Variants in LATS1 observed in about 807,000 individuals in gnomAD.
LATS1 encodes the protein large tumor suppressor kinase 1.
Under a neutral mutation model 106.6 loss-of-function variants are expected in LATS1, and 25 were observed. The ratio of observed to expected loss-of-function variants is 0.23; its 90% confidence interval spans 0.17 to 0.33. LATS1 has a LOEUF of 0.33. LATS1 is among the 10% of genes least tolerant of loss of function. The pLI is 1.00. For synonymous variants in LATS1, 465 were observed against 455.6 expected, an observed-to-expected ratio of 1.02 and a Z score of -0.26; for missense variants, 1,040 against 1,382.6, an observed-to-expected ratio of 0.75 and a Z score of 3.93.
chr6:149,661,427 CAG>C lies in LATS1; in HGVS notation c.*300_*301del, dbSNP rs1780878986. ...ATTTAGCATATATACAAATAGATAC[CAG>C]GTTTCTCCTTTTAAACAAAGCACTA... On this transcript the variant is annotated 3_prime_UTR_variant, in exon 8 of 8. Transcript: ENST00000543571. 4 of 286,132 alleles carry C rather than the reference CAG, an allele frequency of 1.4e-5. No individual in the cohort carries two copies. The highest frequency in any genetic ancestry group is 2.6e-5 in the Non-Finnish European group (4 of 154,984). The allele number at this position is 286,132 out of a possible 1,614,324, so 17.7% of individuals were successfully genotyped here.
At chr6:149,678,911 A>G (rs1781879908) in intron 5 of LATS1, among the ~76,000 whole-genome samples, 1 of 152,232 alleles carries the variant, frequency 6.6e-6, no homozygotes, top group African/African-American at 2.4e-5. Flanking sequence ...TTAGGGTTAT[A>G]TAAGTTGTGT....
intron 2 of LATS1, among the ~76,000 whole-genome samples, chr6:149,698,804 C>T (rs973039701): frequency 6.6e-6 from 1 of 152,034 alleles, no homozygotes; most frequent in Non-Finnish European, 1.5e-5. Flanking sequence ...TCAAGTGATC[C>T]ACCCGCCTTG....
chr6:149,709,093 C>A (rs1234792556), intron 1 of LATS1, among the ~76,000 whole-genome samples: 2 of 152,130 alleles, frequency 1.3e-5, no homozygotes, highest in Non-Finnish European at 2.9e-5. Context: ...AATTCTAAGT[C>A]CTTCAACCAT....
chr6:149,705,716 A>G (rs1783727388), intron 1 of LATS1, among the ~76,000 whole-genome samples: 1 of 152,186 alleles, frequency 6.6e-6, no homozygotes, highest in South Asian at 2.1e-4. Flanking sequence ...TTGAACTTAC[A>G]AATGCAGGTA....
Position 149,701,894 on chromosome 6 carries a change from A to G in LATS1, c.233T>C (p.Leu78Ser). ...AAGCAGAGAGTTTCGAATTTCCTGC[A>G]AGGCTTTATGATGCGTCCCAAATTT... ...PPKFGTHHKA[L>S]QEIRNSLLPF... Residue 78 changes from leucine to serine, a missense_variant, in exon 2 of 8, where the codon TTG becomes TCG. Around this residue, in one of 7 missense-constraint regions of LATS1, gnomAD observed 624 missense variants for 714.8 expected, o/e 0.87. Coordinates refer to ENST00000543571, the MANE Select transcript of LATS1 (RefSeq NM_004690.4). 6.2e-7 allele frequency: 1 copy of G among 1,614,166 alleles called. No homozygotes were observed.
intron 7 of LATS1, among the ~76,000 whole-genome samples, chr6:149,664,972 A>G (rs1221196379): frequency 6.6e-6 from 1 of 152,200 alleles, no homozygotes; most frequent in Non-Finnish European, 1.5e-5. Flanking sequence ...GGGAGTAGAA[A>G]AGGAGTTTCC....
Position 149,683,331 on chromosome 6 carries a change from G to A in LATS1, c.1758C>T (p.Ser586=). ...TTTCACTCTCATCTTCCTTGGGCAA[G>A]CTTGGCTGATCCTCTTTGCTAGGCT... ...ISKPSKEDQP[S]LPKEDESEKS... Residue 586 remains serine (S), a synonymous_variant, in exon 4 of 8, where the codon AGC becomes AGT. Transcript: ENST00000543571. 2 of 1,614,184 alleles carry A rather than the reference G, an allele frequency of 1.2e-6. No homozygotes were observed. The highest frequency in any genetic ancestry group is 1.1e-5 in the South Asian group (1 of 91,086).
At chr6:149,700,847 G>A (rs1255571822) in intron 2 of LATS1, among the ~76,000 whole-genome samples, 2 of 152,180 alleles carry the variant, frequency 1.3e-5, no homozygotes, top group Non-Finnish European at 2.9e-5. Context: ...GCAATGGCGC[G>A]ATCTCGGCTC....
At position 149,702,093 on chromosome 6, in the gene LATS1, G is replaced by C. The variant is rs775875908; in HGVS notation, c.34C>G (p.Gln12Glu). The change falls in exon 2 of 8, where the codon CAA (glutamine) becomes GAA (glutamate). Residue 12 changes from glutamine to glutamate, a missense_variant. This residue lies in a region of LATS1 where 624 missense variants were observed against 714.8 expected (regional missense o/e 0.87). Coordinates refer to ENST00000543571, the MANE Select transcript of LATS1 (RefSeq NM_004690.4). ...KRSEKPEGYRQMRPKTFPASN... is the reference protein window; with the variant it reads ...KRSEKPEGYREMRPKTFPASN... Reference sequence around the variant, plus strand: ...GCAGGAAAGGTCTTAGGCCTCATTTGTCTATATCCTTCTGGCTTTTCACTC... The same window carrying C: ...GCAGGAAAGGTCTTAGGCCTCATTTCTCTATATCCTTCTGGCTTTTCACTC... 6.2e-6 allele frequency: 10 copies of C among 1,612,652 alleles called. No individual in the cohort carries two copies. Among genetic ancestry groups the C allele is most frequent in the South Asian group, 1.1e-5 (1 of 90,842 alleles).
intron 1 of LATS1, among the ~76,000 whole-genome samples, chr6:149,709,955 T>A (rs1280005285): frequency 6.6e-6 from 1 of 151,916 alleles, no homozygotes; most frequent in Non-Finnish European, 1.5e-5. Flanking sequence ...ATTACAGGCG[T>A]GAGCCACTGT....
chr6:149,701,995 T>C lies in LATS1; in HGVS notation c.132A>G (p.Pro44=), dbSNP rs1461677470. The C allele has an allele frequency of 6.2e-7, 1 of 1,614,180 alleles. No individual in the cohort carries two copies. The highest frequency in any genetic ancestry group is 8.5e-7 in the Non-Finnish European group (1 of 1,180,014). ...IRESLRNLSK[P]SDAAKAEHNM... is the part of the protein sequence containing the mutation. ...TATGCTCAGCCTTAGCAGCATCAGA[T>C]GGTTTAGATAAATTCCTAAGGGATT... Residue 44 remains proline (P), a synonymous_variant, in exon 2 of 8, where the codon CCA becomes CCG. Coordinates refer to ENST00000543571, the MANE Select transcript of LATS1 (RefSeq NM_004690.4).
At chr6:149,667,364 T>TTGAGCTGGAGGTTGCAG (rs1389256838) in intron 7 of LATS1, among the ~76,000 whole-genome samples, 1 of 142,910 alleles carries the variant, frequency 7.0e-6, no homozygotes, top group Non-Finnish European at 1.5e-5. Flanking sequence ...AACCAGGAGC[T>TTGAGCTGGAGGTTGCAG]TGAGCTGGAG....
chr6:149,674,287 C>A (rs935869616), intron 7 of LATS1, among the ~76,000 whole-genome samples: 13 of 151,900 alleles, frequency 8.6e-5, no homozygotes, highest in Non-Finnish European at 1.9e-4. Flanking sequence ...GTTGGCCAGG[C>A]TGGTCTCAAA....
chr6:149,664,736 T>A (rs566362523), intron 7 of LATS1, among the ~76,000 whole-genome samples: 19 of 152,286 alleles, frequency 1.2e-4, no homozygotes, highest in South Asian at 8.3e-4. Context: ...ATTATTTTTT[T>A]AAAAAATTAA....
At chr6:149,711,408 G>T (rs1481918047) in intron 1 of LATS1, among the ~76,000 whole-genome samples, 2 of 152,120 alleles carry the variant, frequency 1.3e-5, no homozygotes, top group African/African-American at 4.8e-5. Flanking sequence ...GCTGGGCGTG[G>T]TGGCATGTGC....
chr6:149,676,237 T>G (rs868596283), intron 7 of LATS1, 23 bp downstream of exon 7: 1 of 1,455,102 alleles, frequency 6.9e-7, no homozygotes, highest in African/African-American at 1.4e-5. Context: ...GAGAATTCTT[T>G]TGATATAGAT....
intron 7 of LATS1, among the ~76,000 whole-genome samples, chr6:149,666,708 C>T (rs1391616203): frequency 4.0e-5 from 6 of 150,704 alleles, no homozygotes; most frequent in Non-Finnish European, 7.4e-5. Context: ...TTTGGGAGGC[C>T]GAGGTGGGCA....
chr6:149,686,158 T>G (rs928368642), intron 3 of LATS1, among the ~76,000 whole-genome samples: 4 of 152,080 alleles, frequency 2.6e-5, no homozygotes, highest in African/African-American at 7.2e-5. Context: ...AGAAAAAAAG[T>G]GGTAAAATGT....
rs1017175869 is a variant in LATS1, at chr6:149,658,958, A to C, written c.*2771T>G. ...GAAAACATATAGAACCAATGTTTTC[A>C]CTCCATTTCAATGGAAAGCATCTAT... On this transcript the variant is annotated 3_prime_UTR_variant, in exon 8 of 8. Transcript: ENST00000543571. 1 of 152,196 alleles carries C rather than the reference A, an allele frequency of 6.6e-6. No individual in the cohort carries two copies. Among genetic ancestry groups the C allele is most frequent in the Non-Finnish European group, 1.5e-5 (1 of 68,030 alleles). The allele number at this position is 152,196 out of a possible 1,614,324, so 9.4% of individuals were successfully genotyped here. A position where few individuals can be genotyped will look rare whatever the true frequency, so the allele number is the denominator to read the frequency against.
Sources: allele counts gnomAD v4.1 joint callset (sites outside exome capture counted in the v4.1 genomes callset), GRCh38; gene constraint gnomAD v4.1.1; regional missense constraint gnomAD v4.1.1; transcripts MANE v1.5; gene names NCBI Gene and HGNC (gene_info 2026-07-23, HGNC 2026-07-21).